The following TLCD4 variants were observed in gnomAD, a reference collection of about 807,000 sequenced individuals.
TLCD4 encodes TLC domain-containing protein 4.
Under a neutral mutation model 24.2 loss-of-function variants are expected in TLCD4, and 7 were observed. The ratio of observed to expected loss-of-function variants is 0.29; its 90% confidence interval spans 0.16 to 0.54. TLCD4 has a LOEUF of 0.54. Ranked by LOEUF, TLCD4 falls within the 20% of genes least tolerant of loss-of-function variation. The pLI, the probability that TLCD4 is intolerant of heterozygous loss-of-function variation, is 0.95. For synonymous variants in TLCD4, 103 were observed against 106.4 expected, an observed-to-expected ratio of 0.97 and a Z score of 0.20; for missense variants, 259 against 313.9, an observed-to-expected ratio of 0.82 and a Z score of 1.32.
chr1:95,112,831 T>C (rs1209863320), upstream of TLCD4, among the ~76,000 whole-genome samples: 1 of 152,294 alleles, frequency 6.6e-6, no homozygotes, highest in East Asian at 1.9e-4. Flanking sequence ...TTGATAGATA[T>C]GTTGAAGCAT....
At chr1:95,144,085 CAAG>C (rs755294344) in intron 2 of TLCD4, 29 bp downstream of exon 2, 18 of 1,374,220 alleles carry the variant, frequency 1.3e-5, no homozygotes, top group Non-Finnish European at 1.6e-5. Flanking sequence ...TAATTGATGA[CAAG>C]AAACTAGTTT....
the TLCD4 span, among the ~76,000 whole-genome samples, chr1:95,095,750 C>G: frequency 6.6e-6 from 1 of 152,128 alleles, no homozygotes; most frequent in Admixed American, 6.6e-5. Context: ...AAAAGAAATC[C>G]CTCATAGTAT....
At position 95,193,918 on chromosome 1, in the gene TLCD4, A is replaced by G. The variant is rs574243644; in HGVS notation, c.*2050A>G. 1 of 152,182 alleles carries G rather than the reference A, an allele frequency of 6.6e-6. No individual in the cohort carries two copies. Among genetic ancestry groups the G allele is most frequent in the East Asian group, 1.9e-4 (1 of 5,184 alleles). The allele number at this position is 152,182 out of a possible 1,614,324, so 9.4% of individuals were successfully genotyped here. ...GTGGCTTTAAAAAAATTTATATAAT[A>G]AAACTATTTTGGAAATTCATTCTTT... On this transcript the variant is annotated 3_prime_UTR_variant, in exon 7 of 7. Coordinates refer to ENST00000370203, the MANE Select transcript of TLCD4 (RefSeq NM_152487.3).
chr1:95,113,133 C>A (rs1676369898), upstream of TLCD4, among the ~76,000 whole-genome samples: 1 of 151,676 alleles, frequency 6.6e-6, no homozygotes, highest in Non-Finnish European at 1.5e-5. Context: ...ACCTCTGCCT[C>A]CTGGGTTCAA....
chr1:95,185,702 C>T (rs74385991), intron 6 of TLCD4, among the ~76,000 whole-genome samples: 18,206 of 152,102 alleles, frequency 0.12, 1,076 homozygotes, highest in Middle Eastern at 0.16. Context: ...TAGAAAATAA[C>T]GTTTTTCTCT....
rs748730370 is a variant in TLCD4 at position 95,150,238 on chromosome 1, T to A, written c.276T>A (p.Ile92=). 6 of 1,610,894 alleles carry A rather than the reference T, an allele frequency of 3.7e-6. No individual in the cohort carries two copies. In the Admixed American group the frequency reaches 1.0e-4, roughly 27 times the overall value. ...GTCCATCACTTGCAAACGTGAATATTGCTATTGCCTCAGGCTACCTCATTT... is the reference window on the plus strand; with the variant it reads ...GTCCATCACTTGCAAACGTGAATATAGCTATTGCCTCAGGCTACCTCATTT... ...WGGPSLANVN[I]AIASGYLISD... is the part of the protein sequence containing the mutation. The change falls in exon 4 of 7, where the codon ATT becomes ATA. Residue 92 remains isoleucine, a synonymous_variant. Transcript: ENST00000370203.
At chr1:95,177,134 G>T (rs1342702061) in intron 6 of TLCD4, among the ~76,000 whole-genome samples, 3 of 152,104 alleles carry the variant, frequency 2.0e-5, no homozygotes, top group African/African-American at 4.8e-5. Flanking sequence ...AGTTCTCTGT[G>T]ATGTGCTCCA....
At chr1:95,145,333 C>G (rs1677314786) in intron 2 of TLCD4, among the ~76,000 whole-genome samples, 1 of 152,036 alleles carries the variant, frequency 6.6e-6, no homozygotes, top group Non-Finnish European at 1.5e-5. Flanking sequence ...ATTTGAAATT[C>G]CCTTTGAACC....
chr1:95,158,060 A>ATACC (rs1334026225), intron 5 of TLCD4, among the ~76,000 whole-genome samples: 21 of 152,238 alleles, frequency 1.4e-4, no homozygotes. Context: ...TTTAATGTTC[A>ATACC]TACCTCTATT....
chr1:95,096,814 A>G, the TLCD4 span, among the ~76,000 whole-genome samples: 1 of 152,092 alleles, frequency 6.6e-6, no homozygotes, highest in East Asian at 1.9e-4. Context: ...TTCTTCATTT[A>G]CCTCACCAGC....
At chr1:95,176,791 G>C (rs915795662) in intron 6 of TLCD4, among the ~76,000 whole-genome samples, 2 of 151,948 alleles carry the variant, frequency 1.3e-5, no homozygotes, top group Non-Finnish European at 2.9e-5. Flanking sequence ...TTATGTGTAG[G>C]TCTTTAATTC....
chr1:95,114,449 A>C (rs1676392719), upstream of TLCD4, among the ~76,000 whole-genome samples: 1 of 152,222 alleles, frequency 6.6e-6, no homozygotes, highest in Non-Finnish European at 1.5e-5. Flanking sequence ...TAGAAAAAAA[A>C]CAGCTTTTGG....
chr1:95,146,710 A>G (rs1677360639), intron 2 of TLCD4, among the ~76,000 whole-genome samples: 1 of 152,168 alleles, frequency 6.6e-6, no homozygotes, highest in African/African-American at 2.4e-5. Context: ...TTAATACAGA[A>G]TAGTGTATGA....
At chr1:95,139,997 G>A (rs570222687) in intron 1 of TLCD4, among the ~76,000 whole-genome samples, 1 of 152,204 alleles carries the variant, frequency 6.6e-6, no homozygotes, top group Non-Finnish European at 1.5e-5. Flanking sequence ...AAGGTCTTCA[G>A]GGATAATAAC....
chr1:95,124,533 C>T (rs1429085231), intron 1 of TLCD4, among the ~76,000 whole-genome samples: 3 of 152,116 alleles, frequency 2.0e-5, no homozygotes, highest in Non-Finnish European at 4.4e-5. Context: ...TATCATGTTG[C>T]CCAGTGCTAG....
intron 6 of TLCD4, among the ~76,000 whole-genome samples, chr1:95,183,658 G>C (rs1678725018): frequency 6.6e-6 from 1 of 152,022 alleles, no homozygotes; most frequent in South Asian, 2.1e-4. Context: ...TGGCCAACAT[G>C]GTGAAACCCC....
upstream of TLCD4, among the ~76,000 whole-genome samples, chr1:95,113,098 A>C (rs563120680): frequency 2.1e-3 from 312 of 146,676 alleles, 2 homozygotes; most frequent in Non-Finnish European, 3.7e-3. Context: ...GCTGGAGTGC[A>C]GTGGCGCGAT....
chr1:95,151,802 T>C (rs1677501128), intron 5 of TLCD4, among the ~76,000 whole-genome samples: 2 of 152,136 alleles, frequency 1.3e-5, no homozygotes, highest in South Asian at 4.1e-4. Context: ...CCATGTGCAA[T>C]TACATATACA....
the TLCD4 span, among the ~76,000 whole-genome samples, chr1:95,094,857 T>G: frequency 9.4e-4 from 143 of 152,334 alleles, 1 homozygote; most frequent in Admixed American, 1.2e-3. Flanking sequence ...TCGCCTATCC[T>G]GGATAATTAA....
Sources: allele counts gnomAD v4.1 joint callset (sites outside exome capture counted in the v4.1 genomes callset), GRCh38; gene constraint gnomAD v4.1.1; transcripts MANE v1.5; gene names NCBI Gene and HGNC (gene_info 2026-07-23, HGNC 2026-07-21).